The following ASIC2 variants were observed in gnomAD, a reference collection of about 807,000 sequenced individuals.
The protein encoded by ASIC2 is acid-sensing ion channel 2.
A neutral mutation model predicts 57.3 loss-of-function variants in ASIC2; 25 were observed. The ratio of observed to expected loss-of-function variants is 0.44; its 90% CI spans 0.32 to 0.61. The LOEUF (loss-of-function observed/expected upper bound fraction) is 0.61. Ranked by LOEUF, ASIC2 falls within the 20% of genes least tolerant of loss-of-function variation. The pLI is 0.06. For missense variants in ASIC2, 641 were observed against 738.1 expected, an observed-to-expected ratio of 0.87 and a Z score of 1.52; for synonymous variants, 319 against 307.5, an observed-to-expected ratio of 1.04 and a Z score of -0.39.
At chr17:33,909,748 T>A (rs1915421823) in intron 1 of ASIC2, among the ~76,000 whole-genome samples, 1 of 152,228 alleles carries the variant, frequency 6.6e-6, no homozygotes, top group Non-Finnish European at 1.5e-5. Flanking sequence ...GATCATTATA[T>A]AATTTGGGGG....
chr17:33,228,503 T>G (rs963376807), intron 1 of ASIC2, among the ~76,000 whole-genome samples: 7 of 152,238 alleles, frequency 4.6e-5, no homozygotes, highest in African/African-American at 2.4e-5. Context: ...CACGTCCATG[T>G]GGTGTGAGTG....
chr17:33,676,274 G>C (rs73280934), intron 1 of ASIC2, among the ~76,000 whole-genome samples: 1 of 152,240 alleles, frequency 6.6e-6, no homozygotes, highest in Non-Finnish European at 1.5e-5. Flanking sequence ...CCTCTAAGTA[G>C]TCAAGTGAAA....
intron 1 of ASIC2, among the ~76,000 whole-genome samples, chr17:33,980,580 T>C (rs961621111): frequency 1.3e-5 from 2 of 152,182 alleles, no homozygotes; most frequent in African/African-American, 4.8e-5. Context: ...TTGTGGTGGA[T>C]GCTGTGATGT....
intron 1 of ASIC2, among the ~76,000 whole-genome samples, chr17:33,720,878 T>C (rs575017578): frequency 6.6e-6 from 1 of 152,080 alleles, no homozygotes; most frequent in Non-Finnish European, 1.5e-5. Context: ...TGTTTTAGAG[T>C]CCATCAAAGT....
chr17:33,508,011 C>T (rs1210799640), intron 1 of ASIC2, among the ~76,000 whole-genome samples: 1 of 152,180 alleles, frequency 6.6e-6, no homozygotes, highest in Non-Finnish European at 1.5e-5. Flanking sequence ...CTCCTCACAT[C>T]ATTCACTAAA....
chr17:34,050,655 T>C (rs16969118), intron 1 of ASIC2, among the ~76,000 whole-genome samples: 30,055 of 152,174 alleles, frequency 0.2, 3,681 homozygotes, highest in African/African-American at 0.35. Flanking sequence ...CTGTGCTTGA[T>C]GAAAGGAAGA....
chr17:34,146,220 C>T, intron 1 of ASIC2, among the ~76,000 whole-genome samples: 1 of 152,104 alleles, frequency 6.6e-6, no homozygotes, highest in East Asian at 1.9e-4. Context: ...ATTGTTATCG[C>T]CGTCTTGAGT....
intron 1 of ASIC2, among the ~76,000 whole-genome samples, chr17:33,776,944 G>A (rs550285560): frequency 3.9e-5 from 6 of 152,206 alleles, no homozygotes; most frequent in African/African-American, 1.4e-4. Context: ...CTCCAGCCTC[G>A]CTCCCTCCAT....
At chr17:34,002,031 C>T (rs960595535) in intron 1 of ASIC2, 10 of 152,260 alleles carry the variant, frequency 6.6e-5, no homozygotes, top group African/African-American at 2.4e-5. Context: ...GTTCTACTCA[C>T]ATCCCTCAAG....
intron 2 of ASIC2, among the ~76,000 whole-genome samples, chr17:33,104,393 C>T (rs1409797479): frequency 6.6e-6 from 1 of 152,166 alleles, no homozygotes; most frequent in Admixed American, 6.5e-5. Flanking sequence ...TCAAGTTGGT[C>T]TCTGGGATGG....
intron 1 of ASIC2, among the ~76,000 whole-genome samples, chr17:33,863,768 G>T (rs2052450393): frequency 6.6e-6 from 1 of 152,116 alleles, no homozygotes. Context: ...CTAAACATTA[G>T]CTGATTTTTC....
intron 1 of ASIC2, among the ~76,000 whole-genome samples, chr17:33,547,099 C>T (rs143278158): frequency 0.011 from 1,638 of 152,142 alleles, 17 homozygotes; most frequent in Non-Finnish European, 0.017. Flanking sequence ...TCTGGTGTCC[C>T]AGAGAGGGGC....
rs1416680081 is a variant in ASIC2 at position 33,013,941 on chromosome 17, G to A, written c.*24C>T. On this transcript the variant is annotated 3_prime_UTR_variant, in exon 10 of 10. Transcript: ENST00000225823. ...TTGGGCCTCAAGGTCTGTTTGGAGG[G>A]AGTGCTGGGTGACTCGAGGGGTGTC... is the stretch of plus-strand genomic sequence containing the variant. 14 of 1,531,350 alleles carry A rather than the reference G, an allele frequency of 9.1e-6. No individual in the cohort carries two copies. In the East Asian group the frequency reaches 9.6e-5, roughly 10 times the overall value. 94.9% of individuals were successfully genotyped at this position (1,531,350 alleles called of 1,614,324 possible). A position where few individuals can be genotyped will look rare whatever the true frequency, so the allele number is the denominator to read the frequency against.
Position 33,920,721 on chromosome 17 carries a change from T to TTA in ASIC2, c.555+235255_555+235256dup, listed in dbSNP as rs113510844. Among the ~76,000 whole-genome samples the TTA allele has an allele frequency of 1.2e-3, 187 of 152,234 alleles. 2 individuals carry two copies. The highest frequency in any genetic ancestry group is 4.3e-3 in the African/African-American group (180 of 41,534). On this transcript the variant is annotated intron_variant, in intron 1 of 9. Coordinates refer to the ASIC2 transcript ENST00000359872. ...CCTGAATCTAAAATCAAAGTTGAAA[T>TTA]TATATATTTTTTTAAAAACCTTTGT...
intron 1 of ASIC2, among the ~76,000 whole-genome samples, chr17:33,267,143 A>G (rs1396617004): frequency 6.6e-6 from 1 of 152,188 alleles, no homozygotes; most frequent in African/African-American, 2.4e-5. Context: ...ACATCCTGGC[A>G]GGCCTTTGTT....
chr17:33,013,602 T>C lies in ASIC2; in HGVS notation c.*363A>G. On this transcript the variant is annotated 3_prime_UTR_variant, in exon 10 of 10. Transcript: ENST00000225823. ...TCTGGTCCCACTGCACGGGCAGCAG[T>C]GTGGACACTGGAAACCGCGTGGAGG... 3.9e-6 allele frequency: 1 copy of C among 258,388 alleles called. No individual in the cohort carries two copies. Among genetic ancestry groups the C allele is most frequent in the Non-Finnish European group, 7.6e-6 (1 of 131,382 alleles). The allele number at this position is 258,388 out of a possible 1,614,324, so 16.0% of individuals were successfully genotyped here.
chr17:33,380,614 G>T (rs1664037758), intron 1 of ASIC2, among the ~76,000 whole-genome samples: 1 of 152,186 alleles, frequency 6.6e-6, no homozygotes, highest in Non-Finnish European at 1.5e-5. Context: ...GCTGGAAAGT[G>T]GTCATCAGCT....
At chr17:33,647,641 C>T (rs1415241000) in intron 1 of ASIC2, among the ~76,000 whole-genome samples, 3 of 152,200 alleles carry the variant, frequency 2.0e-5, no homozygotes, top group Non-Finnish European at 4.4e-5. Context: ...TGCCTGTGCA[C>T]ATGTGTATAT....
chr17:33,281,832 C>T (rs577983234), intron 1 of ASIC2, among the ~76,000 whole-genome samples: 3 of 152,168 alleles, frequency 2.0e-5, no homozygotes, highest in Non-Finnish European at 2.9e-5. Flanking sequence ...TAAGGGTAAG[C>T]AGCTCTCTAA....
Sources: allele counts gnomAD v4.1 joint callset (sites outside exome capture counted in the v4.1 genomes callset), GRCh38; gene constraint gnomAD v4.1.1; transcripts MANE v1.5; gene names NCBI Gene and HGNC (gene_info 2026-07-23, HGNC 2026-07-21).